The following POU6F2 variants were observed in gnomAD, a reference collection of about 807,000 sequenced individuals.
The protein encoded by POU6F2 is POU class 6 homeobox 2.
POU6F2 carries 31 observed loss-of-function variants against 71.3 expected under a neutral mutation model. That is an observed-to-expected ratio of 0.43 (90% confidence interval 0.33 to 0.59). The LOEUF is 0.59. Among genes scored for constraint, POU6F2 ranks in the 20% least tolerant of loss-of-function variants. The pLI is 0.04. For missense variants in POU6F2, 783 were observed against 856.8 expected (o/e 0.91, Z 1.07); for synonymous variants, 347 against 355.7 (o/e 0.98, Z 0.27).
chr7:39,223,139 A>G (rs1794401967), intron 4 of POU6F2, among the ~76,000 whole-genome samples: 1 of 152,160 alleles, frequency 6.6e-6, no homozygotes, highest in Non-Finnish European at 1.5e-5. Flanking sequence ...GTGTGAAGTG[A>G]TATCTCATTA....
chr7:39,128,004 G>A (rs1353615296), intron 2 of POU6F2, among the ~76,000 whole-genome samples: 2 of 151,784 alleles, frequency 1.3e-5, no homozygotes, highest in South Asian at 2.1e-4. Flanking sequence ...CACCACGCCC[G>A]GCTAATTTTT....
chr7:39,031,457 T>C (rs577338785), intron 1 of POU6F2, among the ~76,000 whole-genome samples: 18 of 152,354 alleles, frequency 1.2e-4, no homozygotes, highest in Non-Finnish European at 2.4e-4. Context: ...TAAGGTTCCA[T>C]GTGAATGTGA....
intron 4 of POU6F2, among the ~76,000 whole-genome samples, chr7:39,322,884 T>C (rs1241329605): frequency 6.6e-6 from 1 of 152,176 alleles, no homozygotes; most frequent in East Asian, 1.9e-4. Context: ...TTATAGGTAG[T>C]CTCCTAGAAC....
At chr7:39,133,641 T>C (rs1200318624) in intron 2 of POU6F2, among the ~76,000 whole-genome samples, 1 of 152,252 alleles carries the variant, frequency 6.6e-6, no homozygotes, top group African/African-American at 2.4e-5. Flanking sequence ...CCCAGTAGAA[T>C]GTAAACTCCA....
chr7:39,090,646 AATTCCCTAGAGAAATGTATT>A (rs560660732), intron 2 of POU6F2, among the ~76,000 whole-genome samples: 22 of 152,300 alleles, frequency 1.4e-4, no homozygotes, highest in Admixed American at 5.9e-4. Context: ...TGATGAGGTA[AATTCCCTAGAGAAATGTATT>A]TATTTAAAAT....
intron 4 of POU6F2, among the ~76,000 whole-genome samples, chr7:39,325,388 G>A (rs1259339710): frequency 6.6e-6 from 1 of 152,002 alleles, no homozygotes; most frequent in Non-Finnish European, 1.5e-5. Context: ...AACCCTTTTT[G>A]GCAACCCTGA....
rs556515186 is a variant in POU6F2, at chr7:39,217,482, A to G, written c.598+9862A>G. Among the ~76,000 whole-genome samples, 4 of 152,294 alleles carry G rather than the reference A, an allele frequency of 2.6e-5. No homozygotes were observed. In the South Asian group the frequency reaches 8.3e-4, roughly 32 times the overall value. On this transcript the variant is annotated intron_variant, in intron 4 of 9. Transcript: ENST00000518318. ...CACTCAGAAAGTTGCATCTCCGCTG[A>G]CATCATGAACTTGACAGCAGAGATC...
At chr7:39,440,369 C>G (rs764665376) in intron 7 of POU6F2, among the ~76,000 whole-genome samples, 7 of 152,136 alleles carry the variant, frequency 4.6e-5, no homozygotes, top group Non-Finnish European at 1.0e-4. Context: ...TTCTTGGAGG[C>G]TTTCTTCATT....
rs559751350 is a variant in POU6F2, at chr7:39,025,810, G to A, written c.105+47752G>A. Among the ~76,000 whole-genome samples the A allele has an allele frequency of 1.8e-3, 271 of 151,100 alleles. 2 individuals are homozygous for A. The highest frequency in any genetic ancestry group is 6.2e-3 in the African/African-American group (258 of 41,288). On this transcript the variant is annotated intron_variant, in intron 1 of 9. Transcript: ENST00000518318. ...AAGAAACTACCATCAGAGTGAACAGGCAACCTACAAAATGGGAGAAAATTT... is the reference window on the plus strand; with the variant it reads ...AAGAAACTACCATCAGAGTGAACAGACAACCTACAAAATGGGAGAAAATTT...
At chr7:39,289,259 A>G (rs946721754) in intron 4 of POU6F2, among the ~76,000 whole-genome samples, 3 of 152,232 alleles carry the variant, frequency 2.0e-5, no homozygotes, top group Non-Finnish European at 2.9e-5. Context: ...CAGCCCCAGC[A>G]CTGGAAACTA....
At chr7:39,431,160 C>A (rs1025588006) in intron 6 of POU6F2, among the ~76,000 whole-genome samples, 1 of 152,200 alleles carries the variant, frequency 6.6e-6, no homozygotes, top group Non-Finnish European at 1.5e-5. Flanking sequence ...AGTGAGACTG[C>A]AGCCCTGCCA....
At chr7:39,038,473 G>A (rs1790112425) in intron 1 of POU6F2, among the ~76,000 whole-genome samples, 1 of 151,846 alleles carries the variant, frequency 6.6e-6, no homozygotes, top group Admixed American at 6.6e-5. Flanking sequence ...GAAGATAACT[G>A]ATAGCAAAGA....
chr7:39,207,274 T>A (rs1794032660), intron 3 of POU6F2, 118 bp from the exon 4 acceptor site: 1 of 886,188 alleles, frequency 1.1e-6, no homozygotes, highest in Non-Finnish European at 1.7e-6. Context: ...AGATAGGGCA[T>A]GTTTTTTGGT....
At chr7:39,104,548 CAG>C (rs1404624208) in intron 2 of POU6F2, among the ~76,000 whole-genome samples, 1 of 152,116 alleles carries the variant, frequency 6.6e-6, no homozygotes, top group Non-Finnish European at 1.5e-5. Flanking sequence ...CATGGAGAGA[CAG>C]GGGAGGGGGA....
At chr7:39,270,230 C>T (rs1199660631) in intron 4 of POU6F2, among the ~76,000 whole-genome samples, 5 of 152,128 alleles carry the variant, frequency 3.3e-5, no homozygotes, top group South Asian at 4.1e-4. Context: ...ACTTGTGACA[C>T]GTGATTAATA....
intron 5 of POU6F2, among the ~76,000 whole-genome samples, chr7:39,404,246 T>C (rs1199509930): frequency 6.6e-6 from 1 of 152,250 alleles, no homozygotes; most frequent in African/African-American, 2.4e-5. Context: ...GTAGAGACTT[T>C]GTTTTGTATT....
chr7:39,246,488 G>A (rs1783823646), intron 4 of POU6F2, among the ~76,000 whole-genome samples: 1 of 152,152 alleles, frequency 6.6e-6, no homozygotes, highest in Non-Finnish European at 1.5e-5. Flanking sequence ...TGACCAAGTG[G>A]TTAAGCCAAG....
At chr7:39,159,790 A>G (rs999031771) in intron 2 of POU6F2, among the ~76,000 whole-genome samples, 10 of 152,148 alleles carry the variant, frequency 6.6e-5, no homozygotes, top group African/African-American at 2.4e-4. Context: ...TGAAACTATG[A>G]ATTTGTCAAT....
At chr7:39,092,551 A>C (rs991793132) in intron 2 of POU6F2, among the ~76,000 whole-genome samples, 9 of 152,220 alleles carry the variant, frequency 5.9e-5, no homozygotes, top group Non-Finnish European at 1.3e-4. Context: ...TTCTAAATCT[A>C]TCAACACTGG....
Sources: allele counts gnomAD v4.1 joint callset (sites outside exome capture counted in the v4.1 genomes callset), GRCh38; gene constraint gnomAD v4.1.1; transcripts MANE v1.5; gene names NCBI Gene and HGNC (gene_info 2026-07-23, HGNC 2026-07-21).